The following MAP4 variants were observed in gnomAD, a reference collection of about 807,000 sequenced individuals.
MAP4 encodes the protein microtubule associated protein 4.
Under a neutral mutation model 170.2 loss-of-function variants are expected in MAP4, and 76 were observed. The observed-to-expected ratio is 0.45, with a 90% CI of 0.37 to 0.54. MAP4 has a LOEUF of 0.54. MAP4 is among the 20% of genes least tolerant of loss of function. The probability of loss-of-function intolerance (pLI) is 0.00; values close to 1 mark genes in which losing one functional copy is unlikely to be tolerated. For synonymous variants in MAP4, 909 were observed against 994.5 expected (o/e 0.91, Z 1.62); for missense variants, 2,506 against 2,748.0 (o/e 0.91, Z 1.97).
intron 17 of MAP4, among the ~76,000 whole-genome samples, chr3:47,858,531 A>AT (rs1042061630): frequency 1.1e-4 from 16 of 151,760 alleles, no homozygotes; most frequent in African/African-American, 3.9e-4. Context: ...CTGGAATAAC[A>AT]TATTTACTTC....
At chr3:48,075,264 C>G (rs1006690068) in intron 1 of MAP4, among the ~76,000 whole-genome samples, 1 of 152,116 alleles carries the variant, frequency 6.6e-6, no homozygotes, top group Non-Finnish European at 1.5e-5. Context: ...GTGGCTCACA[C>G]CTGTAATCCC....
intron 2 of MAP4, 30 bp from the exon 3 acceptor site, chr3:47,977,963 TGACA>T (rs1201873654): frequency 6.7e-7 from 1 of 1,483,326 alleles, no homozygotes; most frequent in African/African-American, 1.4e-5. Context: ...TTACCCATTG[TGACA>T]GACAGAAAAA....
chr3:48,057,021 T>C (rs1247959224), intron 1 of MAP4, among the ~76,000 whole-genome samples: 1 of 136,110 alleles, frequency 7.3e-6, no homozygotes, highest in African/African-American at 2.8e-5. Context: ...AGCCGCCCCG[T>C]CCGGGAGGTG....
chr3:47,962,309 GC>G (rs2100072048), intron 3 of MAP4, among the ~76,000 whole-genome samples: 1 of 152,144 alleles, frequency 6.6e-6, no homozygotes, highest in Non-Finnish European at 1.5e-5. Context: ...TCCTGGCAAA[GC>G]CAAGAACCCT....
In MAP4 at chr3:47,909,861, G is replaced by A. The variant is rs1163142576; in HGVS notation, c.4560C>T (p.Asn1520=). Residue 1520 remains asparagine (N), a synonymous_variant, in exon 9 of 21, where the codon AAC becomes AAT. Coordinates refer to ENST00000683076, the MANE Select transcript of MAP4 (RefSeq NM_001385682.1). ...LPITTAIETV[N]IHGDHSLKNK... is the part of the protein sequence containing the mutation. ...TCTTAAGAGAGTGATCTCCATGAAT[G>A]TTAACTGTTTCTATGGCTGTTGTAA... 1.9e-6 allele frequency: 3 copies of A among 1,613,894 alleles called. No homozygotes were observed. In the African/African-American group the frequency reaches 4.0e-5, roughly 22 times the overall value.
At chr3:47,906,404 A>G (rs2100033049) in intron 9 of MAP4, among the ~76,000 whole-genome samples, 1 of 152,184 alleles carries the variant, frequency 6.6e-6, no homozygotes. Context: ...AGTACTGGCC[A>G]GGCACGGTGG....
chr3:48,024,347 C>T (rs1398770328), intron 1 of MAP4, among the ~76,000 whole-genome samples: 1 of 151,904 alleles, frequency 6.6e-6, no homozygotes, highest in Non-Finnish European at 1.5e-5. Flanking sequence ...TAAAAATGTA[C>T]AAAATGAAAG....
chr3:47,890,303 T>C (rs2098335538), intron 10 of MAP4, among the ~76,000 whole-genome samples: 1 of 152,108 alleles, frequency 6.6e-6, no homozygotes, highest in Non-Finnish European at 1.5e-5. Context: ...TAGCTGTTTA[T>C]TAGGTTGCAA....
At chr3:47,926,814 GCACAAGT>G (rs766806732) in intron 4 of MAP4, among the ~76,000 whole-genome samples, 4 of 152,166 alleles carry the variant, frequency 2.6e-5, no homozygotes, top group African/African-American at 4.8e-5. Context: ...GGGATTACAG[GCACAAGT>G]CACTGAATCT....
chr3:47,897,430 G>A (rs971993266), intron 10 of MAP4, among the ~76,000 whole-genome samples: 2 of 151,980 alleles, frequency 1.3e-5, no homozygotes, highest in Non-Finnish European at 2.9e-5. Flanking sequence ...TCGGCCCAAT[G>A]TATCTTTTTT....
At chr3:48,077,022 C>G (rs1211308990) in intron 1 of MAP4, among the ~76,000 whole-genome samples, 1 of 152,046 alleles carries the variant, frequency 6.6e-6, no homozygotes, top group African/African-American at 2.4e-5. Flanking sequence ...TGGCACACAC[C>G]TACAATGCCA....
At chr3:47,951,561 G>A (rs1037501092) in intron 3 of MAP4, among the ~76,000 whole-genome samples, 22 of 152,312 alleles carry the variant, frequency 1.4e-4, no homozygotes, top group Admixed American at 2.6e-4. Flanking sequence ...TGTGTTGGCC[G>A]GGCTGGTCTC....
At chr3:47,943,767 G>A (rs538710617) in intron 3 of MAP4, among the ~76,000 whole-genome samples, 1 of 152,172 alleles carries the variant, frequency 6.6e-6, no homozygotes, top group East Asian at 1.9e-4. Context: ...CAGCAGGAAG[G>A]AGATAACTTT....
intron 3 of MAP4, among the ~76,000 whole-genome samples, chr3:47,967,528 T>G (rs2100075813): frequency 6.6e-6 from 1 of 152,150 alleles, no homozygotes; most frequent in Admixed American, 6.5e-5. Context: ...GGCAGGCGCC[T>G]GTAATCTCGG....
chr3:47,911,572 G>A lies in MAP4; in HGVS notation c.2849C>T (p.Pro950Leu). The A allele has an allele frequency of 6.5e-7, 1 of 1,536,086 alleles. No individual in the cohort carries two copies. The highest frequency in any genetic ancestry group is 8.7e-7 in the Non-Finnish European group (1 of 1,146,904). Reference protein sequence around the residue: ...LDIRLKEGCSPFLDQEVMGVV... With the variant: ...LDIRLKEGCSLFLDQEVMGVV... ...ACCCATAACCTCTTGGTCCAAGAAAGGAGAGCAACCCTCTTTAAGTCTGAT... is the reference window on the plus strand; with the variant it reads ...ACCCATAACCTCTTGGTCCAAGAAAAGAGAGCAACCCTCTTTAAGTCTGAT... The change falls in exon 9 of 21, where the codon CCT becomes CTT. Residue 950 changes from proline (P) to leucine (L), a missense_variant. Around this residue, in one of 3 missense-constraint regions of MAP4, gnomAD observed 2,008 missense variants for 2,206.0 expected, o/e 0.91. Coordinates refer to ENST00000683076, the MANE Select transcript of MAP4 (RefSeq NM_001385682.1). This position sits in a 1 kb window ranked among gnomAD's most constrained non-coding sequence, Gnocchi z 4.0.
At chr3:47,859,136 A>C (rs1052982460) in intron 17 of MAP4, among the ~76,000 whole-genome samples, 2 of 152,180 alleles carry the variant, frequency 1.3e-5, no homozygotes, top group African/African-American at 2.4e-5. Context: ...CTCAAAAAAA[A>C]AAGGTGGTGC....
At chr3:48,061,142 G>C (rs2100134970) in intron 1 of MAP4, among the ~76,000 whole-genome samples, 2 of 151,850 alleles carry the variant, frequency 1.3e-5, no homozygotes, top group South Asian at 2.1e-4. Flanking sequence ...ACCGCGCCTG[G>C]ACCCAAAGAG....
At chr3:48,032,731 C>T (rs1164196246) in intron 1 of MAP4, among the ~76,000 whole-genome samples, 1 of 152,118 alleles carries the variant, frequency 6.6e-6, no homozygotes, top group Non-Finnish European at 1.5e-5. Context: ...ATCTGATCCA[C>T]GACCTAAAAC....
rs754515081 is a variant in MAP4 at position 47,871,972 on chromosome 3, G to C, written c.5886C>G (p.Ala1962=). The change falls in exon 13 of 21, where the codon GCC becomes GCG. Residue 1962 remains alanine (A), a synonymous_variant. Transcript: ENST00000683076. The part of the protein sequence containing the change: ...VAKTTTAAAV[A]STGPSSRSPS... ...GGCTCCTACTGCTTGGGCCAGTTGAGGCAACAGCAGCAGCTGTTGTGGTTT... is the reference window on the plus strand; with the variant it reads ...GGCTCCTACTGCTTGGGCCAGTTGACGCAACAGCAGCAGCTGTTGTGGTTT... 4 of 1,613,932 alleles carry C rather than the reference G, an allele frequency of 2.5e-6. No homozygotes were observed. Among genetic ancestry groups the C allele is most frequent in the Non-Finnish European group, 1.7e-6 (2 of 1,179,962 alleles).
Sources: gnomAD v4.1 joint callset for allele counts (sites outside exome capture counted in the v4.1 genomes callset) on GRCh38, gnomAD v4.1.1 for gene constraint, gnomAD v4.1.1 regional missense constraint, Gnocchi (gnomAD v3.1) non-coding constraint, MANE v1.5 for transcripts, NCBI Gene and HGNC (gene_info 2026-07-23, HGNC 2026-07-21) for gene names.